The following IDO1 variants were observed in gnomAD, a reference collection of about 807,000 sequenced individuals.
The protein encoded by IDO1 is indoleamine 2,3-dioxygenase 1, also known as indolamine 2,3 dioxygenase.
In IDO1, 35 loss-of-function variants were observed where a neutral mutation model predicts 38.8. The observed-to-expected ratio is 0.90, with a 90% CI of 0.69 to 1.20. IDO1 has a LOEUF of 1.20. IDO1 is among the 50% of genes most tolerant of loss of function. The probability of loss-of-function intolerance (pLI) is 0.00; values close to 1 mark genes in which losing one functional copy is unlikely to be tolerated. For synonymous variants in IDO1, 171 were observed against 170.0 expected (o/e 1.01, Z -0.05); for missense variants, 509 against 485.1 (o/e 1.05, Z -0.46).
At chr8:39,924,977 A>C (rs1807337481) in intron 8 of IDO1, among the ~76,000 whole-genome samples, 2 of 152,206 alleles carry the variant, frequency 1.3e-5, no homozygotes, top group African/African-American at 2.4e-5. Context: ...TATTTTAAAA[A>C]GAGTGGTCTG....
In IDO1 at chr8:39,921,721, C is replaced by T. The variant is rs114674122; in HGVS notation, c.438-831C>T. ...ACTCATAGATATACAGATAGTAAGACTATGTTTGCACCAACGCCCAAACTT... is the reference window on the plus strand; with the variant it reads ...ACTCATAGATATACAGATAGTAAGATTATGTTTGCACCAACGCCCAAACTT... On this transcript the variant is annotated intron_variant, in intron 5 of 9. Coordinates refer to ENST00000518237, the MANE Select transcript of IDO1 (RefSeq NM_002164.6). Among the ~76,000 whole-genome samples, 1,454 of 152,206 alleles carry T rather than the reference C, an allele frequency of 9.6e-3. 21 individuals are homozygous for T. Among genetic ancestry groups the T allele is most frequent in the African/African-American group, 0.032 (1,341 of 41,532 alleles).
At position 39,917,770 on chromosome 8, in the gene IDO1, G is replaced by A. The variant is rs547699413; in HGVS notation, c.88-105G>A. The A allele has an allele frequency of 8.5e-5, 61 of 718,792 alleles. 1 individual carries two copies. In the South Asian group the frequency reaches 1.0e-3, roughly 12 times the overall value. The allele number at this position is 718,792 out of a possible 1,614,324, so 44.5% of individuals were successfully genotyped here. ...TCCAGACAGGTAAGCCATATGCCAG[G>A]GCAACATTGCACAGAATGGATGTGA... On this transcript the variant is annotated intron_variant, in intron 1 of 9. Coordinates refer to ENST00000518237, the MANE Select transcript of IDO1 (RefSeq NM_002164.6).
chr8:39,922,436 C>T (rs1463295447), intron 5 of IDO1, 116 bp from the exon 6 acceptor site: 1 of 698,294 alleles, frequency 1.4e-6, no homozygotes, highest in East Asian at 2.7e-5. Context: ...GATAGTAAGG[C>T]CTGCCACACC....
intron 4 of IDO1, among the ~76,000 whole-genome samples, chr8:39,919,527 A>G (rs1251762685): frequency 6.6e-6 from 1 of 152,154 alleles, no homozygotes; most frequent in Admixed American, 6.5e-5. Flanking sequence ...ATTTTTACCC[A>G]TTTAGGCATA....
chr8:39,925,240 A>G lies in IDO1; in HGVS notation c.725A>G (p.Gln242Arg), dbSNP rs1453386951. 2 of 1,595,318 alleles carry G rather than the reference A, an allele frequency of 1.3e-6. No homozygotes were observed. The highest frequency in any genetic ancestry group is 4.5e-5 in the East Asian group (2 of 44,624). ...IYLSGWKGNP[Q>R]LSDGLVYEGF... ...TCTGATAGCTGGAAAGGCAACCCCC[A>G]GCTATCAGACGGTCTGGTGTATGAA... The change falls in exon 9 of 10, where the codon CAG becomes CGG. Residue 242 changes from glutamine (Q) to arginine (R), a missense_variant. Gln to Arg is a conservative substitution (Grantham distance 43, BLOSUM62 1). Transcript: ENST00000518237.
Position 39,913,939 on chromosome 8 carries a change from A to G in IDO1, c.17A>G (p.Glu6Gly). MAHAMENSWTISKEYH... is the reference protein window; with the variant it reads MAHAMGNSWTISKEYH... ...ACTACAAGAATGGCACACGCTATGGAAAACTCCTGGACAATCAGTAAAGAG... is the reference window on the plus strand; with the variant it reads ...ACTACAAGAATGGCACACGCTATGGGAAACTCCTGGACAATCAGTAAAGAG... The change falls in exon 1 of 10, where the codon GAA becomes GGA. Residue 6 changes from glutamate (E) to glycine (G), a missense_variant. Coordinates refer to ENST00000518237, the MANE Select transcript of IDO1 (RefSeq NM_002164.6). 1 of 1,572,232 alleles carries G rather than the reference A, an allele frequency of 6.4e-7. No individual in the cohort carries two copies. Among genetic ancestry groups the G allele is most frequent in the Non-Finnish European group, 8.6e-7 (1 of 1,158,534 alleles).
At chr8:39,927,487 G>A (rs1807379955) in intron 9 of IDO1, among the ~76,000 whole-genome samples, 1 of 151,178 alleles carries the variant, frequency 6.6e-6, no homozygotes, top group Non-Finnish European at 1.5e-5. Context: ...TTGAGCCCGG[G>A]AGGCACAGGT....
At chr8:39,919,697 G>A (rs533983330) in intron 4 of IDO1, among the ~76,000 whole-genome samples, 9 of 152,098 alleles carry the variant, frequency 5.9e-5, no homozygotes, top group Non-Finnish European at 1.3e-4. Flanking sequence ...AAAATTCACC[G>A]GGAATGGTGG....
chr8:39,915,609 A>G (rs1260220714), intron 1 of IDO1: 2 of 152,224 alleles, frequency 1.3e-5, no homozygotes, highest in Non-Finnish European at 2.9e-5. Flanking sequence ...GCAAAACAAT[A>G]ATACTCAAAC....
Position 39,917,871 on chromosome 8 carries a change from C to A in IDO1, c.88-4C>A, listed in dbSNP as rs1174763027. The stretch of plus-strand genomic sequence containing the variant: ...CTAAATAAAGATCTTTTTTTTTTTT[C>A]AAGGAAAATCTACCTGATTTTTATA... On this transcript the variant is annotated splice_region_variant and splice_polypyrimidine_tract_variant and intron_variant, in intron 1 of 9. Coordinates refer to ENST00000518237, the MANE Select transcript of IDO1 (RefSeq NM_002164.6). 1.3e-6 allele frequency: 2 copies of A among 1,508,216 alleles called. No homozygotes were observed. The highest frequency in any genetic ancestry group is 9.0e-7 in the Non-Finnish European group (1 of 1,105,822). The allele number at this position is 1,508,216 out of a possible 1,614,324, so 93.4% of individuals were successfully genotyped here. A position where few individuals can be genotyped will look rare whatever the true frequency, so the allele number is the denominator to read the frequency against.
intron 6 of IDO1, chr8:39,922,875 G>A (rs1031258371): frequency 5.7e-6 from 3 of 523,708 alleles, no homozygotes; most frequent in Non-Finnish European, 1.0e-5. Flanking sequence ...CTCTGTAGGA[G>A]ATAAAAATTT....
chr8:39,915,565 T>A (rs1807162582), intron 1 of IDO1: 1 of 152,018 alleles, frequency 6.6e-6, no homozygotes, highest in South Asian at 2.1e-4. Flanking sequence ...ATACTTTAAT[T>A]TTATTGCCAA....
Position 39,923,605 on chromosome 8 carries a change from G to GCAATAGTC in IDO1, c.655+20_655+27dup. ...ATCCACGGCAAGTGTTGTGTGCAGT[G>GCAATAGTC]CAATAGTCTAGGCTGACAAGTCAAA... On this transcript the variant is annotated intron_variant, in intron 7 of 9. Transcript: ENST00000518237. 2 of 1,413,504 alleles carry GCAATAGTC rather than the reference G, an allele frequency of 1.4e-6. No individual in the cohort carries two copies. The highest frequency in any genetic ancestry group is 2.0e-6 in the Non-Finnish European group (2 of 998,910). The allele number at this position is 1,413,504 out of a possible 1,614,324, so 87.6% of individuals were successfully genotyped here.
At position 39,913,982 on chromosome 8, in the gene IDO1, A is replaced by G; in HGVS notation, c.60A>G (p.Glu20=). The G allele has an allele frequency of 6.4e-7, 1 of 1,573,448 alleles. No homozygotes were observed. The highest frequency in any genetic ancestry group is 8.6e-7 in the Non-Finnish European group (1 of 1,159,024). ...GTAAAGAGTACCATATTGATGAAGA[A>G]GTGGGCTTTGCTCTGCCAAATCCAC... ...TISKEYHIDE[E]VGFALPNPQE... Residue 20 remains glutamate, a synonymous_variant, in exon 1 of 10, where the codon GAA becomes GAG. Transcript: ENST00000518237.
chr8:39,918,951 A>G lies in IDO1; in HGVS notation c.422+18A>G. Reference sequence around the variant, plus strand: ...CCTAATAAGTATGTAAACAGTGATAACAACAGGAATTTTTGGAGTGTGTGC... The same window carrying G: ...CCTAATAAGTATGTAAACAGTGATAGCAACAGGAATTTTTGGAGTGTGTGC... On this transcript the variant is annotated intron_variant, in intron 4 of 9. Transcript: ENST00000518237. 1.4e-6 allele frequency: 2 copies of G among 1,397,056 alleles called. No individual in the cohort carries two copies. The highest frequency in any genetic ancestry group is 2.0e-6 in the Non-Finnish European group (2 of 982,138). 86.5% of individuals were successfully genotyped at this position (1,397,056 alleles called of 1,614,324 possible).
chr8:39,914,133 T>C, intron 1 of IDO1, 124 bp downstream of exon 1: 1 of 656,430 alleles, frequency 1.5e-6, no homozygotes, highest in Non-Finnish European at 2.7e-6. Context: ...TAAAGCTGTG[T>C]AAAAATTAGA....
chr8:39,925,975 C>G (rs1807353234), intron 9 of IDO1, among the ~76,000 whole-genome samples: 1 of 151,902 alleles, frequency 6.6e-6, no homozygotes, highest in Non-Finnish European at 1.5e-5. Flanking sequence ...ATCACAAGAT[C>G]AGGAGATCGA....
intron 1 of IDO1, among the ~76,000 whole-genome samples, chr8:39,914,689 AT>A (rs1332260473): frequency 3.3e-5 from 5 of 152,166 alleles, no homozygotes; most frequent in African/African-American, 1.2e-4. Flanking sequence ...CAAATACAGC[AT>A]TTTTCTAAGC....
chr8:39,928,009 C>T lies in IDO1; in HGVS notation c.1036C>T (p.His346Tyr), dbSNP rs1027201957. 6.2e-7 allele frequency: 1 copy of T among 1,606,568 alleles called. No individual in the cohort carries two copies. The highest frequency in any genetic ancestry group is 8.5e-7 in the Non-Finnish European group (1 of 1,176,482). The change falls in exon 10 of 10, where the codon CAT becomes TAT. Residue 346 changes from histidine (H) to tyrosine (Y), a missense_variant. By Grantham distance (83) the His-to-Tyr change is moderately conservative. Coordinates refer to ENST00000518237, the MANE Select transcript of IDO1 (RefSeq NM_002164.6). ...AGCTCTGGTCTCCCTGAGGAGCTACCATCTGCAAATCGTGACTAAGTACAT... is the reference window on the plus strand; with the variant it reads ...AGCTCTGGTCTCCCTGAGGAGCTACTATCTGCAAATCGTGACTAAGTACAT... ...VKALVSLRSYHLQIVTKYILI... is the reference protein window; with the variant it reads ...VKALVSLRSYYLQIVTKYILI...
Sources: gnomAD v4.1 joint callset for allele counts (sites outside exome capture counted in the v4.1 genomes callset) on GRCh38, gnomAD v4.1.1 for gene constraint, MANE v1.5 for transcripts, NCBI Gene and HGNC (gene_info 2026-07-23, HGNC 2026-07-21) for gene names.